The following SPAG16 variants were observed in gnomAD, a reference collection of about 807,000 sequenced individuals.
SPAG16 encodes sperm-associated antigen 16 protein.
Under a neutral mutation model 80.4 loss-of-function variants are expected in SPAG16, and 86 were observed. That is an observed-to-expected ratio of 1.07 (90% CI 0.90 to 1.28). The LOEUF is 1.28. Among genes scored for constraint, SPAG16 ranks in the 50% most tolerant of loss-of-function variants. The pLI, the probability that SPAG16 is intolerant of heterozygous loss-of-function variation, is 0.00. For synonymous variants in SPAG16, 294 were observed against 265.9 expected (o/e 1.11, Z -1.03); for missense variants, 870 against 765.3 (o/e 1.14, Z -1.61).
At chr2:213,391,945 G>A (rs2067775468) in intron 9 of SPAG16, among the ~76,000 whole-genome samples, 1 of 152,122 alleles carries the variant, frequency 6.6e-6, no homozygotes, top group Non-Finnish European at 1.5e-5. Flanking sequence ...CATGTCCCCT[G>A]TTACATATTT....
chr2:213,818,193 G>A (rs1471517433), intron 10 of SPAG16, among the ~76,000 whole-genome samples: 1 of 152,144 alleles, frequency 6.6e-6, no homozygotes, highest in Non-Finnish European at 1.5e-5. Flanking sequence ...CTGGAAAAGA[G>A]AAAACTAAAA....
intron 9 of SPAG16, among the ~76,000 whole-genome samples, chr2:213,401,254 C>T (rs541403185): frequency 3.3e-5 from 5 of 152,318 alleles, no homozygotes; most frequent in East Asian, 3.9e-4. Context: ...GAAAAGAATG[C>T]GGCCATTTCC....
chr2:213,448,086 A>C (rs1288068565), intron 9 of SPAG16, among the ~76,000 whole-genome samples: 2 of 152,248 alleles, frequency 1.3e-5, no homozygotes, highest in African/African-American at 4.8e-5. Flanking sequence ...AATTCCACCC[A>C]AATGTGGAAT....
At chr2:214,184,734 G>A (rs937278648) in intron 15 of SPAG16, among the ~76,000 whole-genome samples, 1 of 151,952 alleles carries the variant, frequency 6.6e-6, no homozygotes, top group Non-Finnish European at 1.5e-5. Context: ...TCTCATAGTA[G>A]GATTTATAAG....
At chr2:214,129,147 T>G (rs541273323) in intron 14 of SPAG16, among the ~76,000 whole-genome samples, 7 of 152,138 alleles carry the variant, frequency 4.6e-5, no homozygotes, top group African/African-American at 7.2e-5. Flanking sequence ...TCTGCAGATC[T>G]CCAGGGTTTT....
intron 4 of SPAG16, among the ~76,000 whole-genome samples, chr2:213,312,564 CAG>C (rs914643599): frequency 2.6e-5 from 4 of 151,642 alleles, no homozygotes; most frequent in African/African-American, 4.8e-5. Context: ...ATTTTGAAAA[CAG>C]AGTTTAAATT....
intron 10 of SPAG16, among the ~76,000 whole-genome samples, chr2:213,720,742 C>CTTTTTT (rs564036456): frequency 3.8e-5 from 3 of 78,924 alleles, no homozygotes; most frequent in African/African-American, 1.4e-4. Flanking sequence ...GAAGTAAGTC[C>CTTTTTT]TTTTTTTTTT....
At chr2:213,285,960 T>TC (rs1559371035) in intron 1 of SPAG16, 1 of 1,241,054 alleles carries the variant, frequency 8.1e-7, no homozygotes, top group Non-Finnish European at 1.1e-6. Context: ...TAAAATTATT[T>TC]CCGTGAACAC....
rs35598286 is a variant in SPAG16, at chr2:213,991,859, GTTTATTTATTTA to G, written c.1401-22069_1401-22058del. Among the ~76,000 whole-genome samples the G allele has an allele frequency of 2.1e-5, 3 of 144,894 alleles. No homozygotes were observed. In the East Asian group the frequency reaches 6.1e-4, roughly 30 times the overall value. On this transcript the variant is annotated intron_variant, in intron 12 of 15. Transcript: ENST00000331683. ...CAAGGGGACATTTTGACAATTGAGAGTTTATTTATTTATTTATTTATTTATTTATTTATTCTT... is the reference window on the plus strand; with the variant it reads ...CAAGGGGACATTTTGACAATTGAGAGTTTATTTATTTATTTATTTATTCTT...
At chr2:213,923,155 C>T (rs1179245239) in intron 11 of SPAG16, among the ~76,000 whole-genome samples, 1 of 152,018 alleles carries the variant, frequency 6.6e-6, no homozygotes, top group Non-Finnish European at 1.5e-5. Flanking sequence ...GGCCAGCAGC[C>T]CTATCAGATG....
intron 8 of SPAG16, among the ~76,000 whole-genome samples, chr2:213,374,748 GGAA>G (rs1382771317): frequency 1.3e-5 from 2 of 151,950 alleles, no homozygotes; most frequent in Non-Finnish European, 2.9e-5. Context: ...TGTGATAACA[GGAA>G]TTTGGATATG....
At chr2:213,701,959 T>C (rs1432704663) in intron 10 of SPAG16, among the ~76,000 whole-genome samples, 1 of 151,810 alleles carries the variant, frequency 6.6e-6, no homozygotes, top group African/African-American at 2.4e-5. Flanking sequence ...TGGAGAACTT[T>C]TGTGTCTAGC....
intron 13 of SPAG16, among the ~76,000 whole-genome samples, chr2:214,019,261 C>G (rs1189795317): frequency 6.9e-6 from 1 of 145,368 alleles, no homozygotes; most frequent in African/African-American, 2.6e-5. Flanking sequence ...TCCACAAACC[C>G]AGTGAAAATA....
intron 10 of SPAG16, among the ~76,000 whole-genome samples, chr2:213,511,868 A>T (rs1478327324): frequency 1.3e-5 from 2 of 152,094 alleles, no homozygotes; most frequent in African/African-American, 4.8e-5. Flanking sequence ...AAAATACAAA[A>T]GCATATTTTT....
At chr2:214,129,451 T>G (rs1439905192) in intron 14 of SPAG16, among the ~76,000 whole-genome samples, 1 of 152,184 alleles carries the variant, frequency 6.6e-6, no homozygotes, top group African/African-American at 2.4e-5. Flanking sequence ...TTTGGTTGTT[T>G]CAGGCAGGAG....
At chr2:214,148,470 T>C (rs2125564119) in intron 14 of SPAG16, among the ~76,000 whole-genome samples, 1 of 152,246 alleles carries the variant, frequency 6.6e-6, no homozygotes, top group East Asian at 1.9e-4. Context: ...TCTTCCTTGT[T>C]CCACTACATG....
At chr2:213,670,574 CCTT>C (rs2063779589) in intron 10 of SPAG16, among the ~76,000 whole-genome samples, 2 of 151,380 alleles carry the variant, frequency 1.3e-5, no homozygotes, top group African/African-American at 4.9e-5. Flanking sequence ...AACTTTTTCT[CCTT>C]GAGTTTAAAT....
chr2:213,681,164 A>G (rs1303523897), intron 10 of SPAG16, among the ~76,000 whole-genome samples: 3 of 152,328 alleles, frequency 2.0e-5, no homozygotes, highest in African/African-American at 2.4e-5. Flanking sequence ...AGGATTCTCT[A>G]TAGGATGTGG....
chr2:213,519,177 G>C (rs1210470107), intron 10 of SPAG16, among the ~76,000 whole-genome samples: 4 of 152,104 alleles, frequency 2.6e-5, no homozygotes, highest in Non-Finnish European at 5.9e-5. Flanking sequence ...CTAAAAAAAG[G>C]TAGCTATAAA....
Sources: gnomAD v4.1 joint callset for allele counts (sites outside exome capture counted in the v4.1 genomes callset) on GRCh38, gnomAD v4.1.1 for gene constraint, MANE v1.5 for transcripts, NCBI Gene and HGNC (gene_info 2026-07-23, HGNC 2026-07-21) for gene names.